Variants in GRID2 observed in about 807,000 individuals in gnomAD.
GRID2 encodes the protein glutamate ionotropic receptor delta type subunit 2.
Under a neutral mutation model 114.8 loss-of-function variants are expected in GRID2, and 33 were observed. The ratio of observed to expected loss-of-function variants is 0.29; its 90% CI spans 0.22 to 0.38. The LOEUF is 0.38. Among genes scored for constraint, GRID2 ranks in the 10% least tolerant of loss-of-function variants. The pLI is 1.00. For missense variants in GRID2, 1,184 were observed against 1,257.7 expected (o/e 0.94, Z 0.89); for synonymous variants, 505 against 449.9 (o/e 1.12, Z -1.55).
In GRID2 at chr4:93,771,034, A is replaced by G. The variant is rs576570370; in HGVS notation, c.2602-1042A>G. Among the ~76,000 whole-genome samples, 559 of 152,320 alleles carry G rather than the reference A, an allele frequency of 3.7e-3. 1 individual carries two copies. The highest frequency in any genetic ancestry group is 5.2e-3 in the Non-Finnish European group (355 of 68,022). On this transcript the variant is annotated intron_variant, in intron 15 of 15. Transcript: ENST00000282020. ...GCACAATGAAAAAAATACATGCTCC[A>G]TTCTAACTTGTGACAGCTAATCCAG...
intron 1 of GRID2, among the ~76,000 whole-genome samples, chr4:93,785,403 A>G (rs1734571621): frequency 1.3e-5 from 2 of 152,306 alleles, no homozygotes; most frequent in Non-Finnish European, 1.5e-5. Context: ...TGGGATTCCA[A>G]GTTAGAACTG....
At chr4:92,461,440 G>C (rs1490521357) in intron 1 of GRID2, among the ~76,000 whole-genome samples, 1 of 151,890 alleles carries the variant, frequency 6.6e-6, no homozygotes, top group African/African-American at 2.4e-5. Context: ...GACGTGTTGT[G>C]TTTGCCATTT....
intron 1 of GRID2, among the ~76,000 whole-genome samples, chr4:92,476,111 C>T (rs899979204): frequency 6.7e-6 from 1 of 150,160 alleles, no homozygotes; most frequent in African/African-American, 2.4e-5. Flanking sequence ...CTGCAAGCTC[C>T]GCCTCCCGTG....
At chr4:93,624,582 T>C (rs1332859497) in intron 13 of GRID2, among the ~76,000 whole-genome samples, 1 of 152,200 alleles carries the variant, frequency 6.6e-6, no homozygotes, top group African/African-American at 2.4e-5. Context: ...TGAAAGATCA[T>C]TTAAAAATTT....
chr4:93,138,742 A>G (rs1421855518), intron 4 of GRID2, among the ~76,000 whole-genome samples: 1 of 152,134 alleles, frequency 6.6e-6, no homozygotes, highest in Non-Finnish European at 1.5e-5. Flanking sequence ...GTGAGTCCCA[A>G]GTTTCTTTTG....
rs569030780 is a variant in GRID2 at position 93,162,958 on chromosome 4, G to A, written c.736-44446G>A. 7.2e-5 allele frequency among the ~76,000 whole-genome samples: 11 copies of A among 151,978 alleles called. No individual in the cohort carries two copies. In the East Asian group the frequency reaches 1.2e-3, roughly 16 times the overall value. On this transcript the variant is annotated intron_variant, in intron 4 of 15. Transcript: ENST00000282020. ...CCACACAGGAATAAAAGCACTTACCGCATTTTCTAGAGCATAATAGTTTTA... is the reference window on the plus strand; with the variant it reads ...CCACACAGGAATAAAAGCACTTACCACATTTTCTAGAGCATAATAGTTTTA...
intron 2 of GRID2, among the ~76,000 whole-genome samples, chr4:93,005,885 A>C (rs1721464392): frequency 6.6e-6 from 1 of 152,070 alleles, no homozygotes; most frequent in African/African-American, 2.4e-5. Context: ...CTAGCTTATA[A>C]ATTTCATTAT....
intron 2 of GRID2, among the ~76,000 whole-genome samples, chr4:92,991,699 A>C (rs1754915517): frequency 6.6e-6 from 1 of 152,202 alleles, no homozygotes; most frequent in African/African-American, 2.4e-5. Flanking sequence ...TCGCTTGCCA[A>C]ACGTTGTAGA....
At chr4:92,432,276 G>A (rs1009760106) in intron 1 of GRID2, among the ~76,000 whole-genome samples, 1 of 152,080 alleles carries the variant, frequency 6.6e-6, no homozygotes, top group Admixed American at 6.5e-5. Context: ...AAGGCCCAAG[G>A]GTTCTTTAGT....
chr4:92,341,298 G>A (rs1325891776), intron 1 of GRID2, among the ~76,000 whole-genome samples: 2 of 152,016 alleles, frequency 1.3e-5, no homozygotes, highest in Non-Finnish European at 2.9e-5. Flanking sequence ...TTGAAAATAA[G>A]CCCTGTATGG....
intron 2 of GRID2, among the ~76,000 whole-genome samples, chr4:92,667,547 T>C (rs1466841438): frequency 6.6e-6 from 1 of 151,654 alleles, no homozygotes; most frequent in Admixed American, 6.6e-5. Context: ...CAAATAAATA[T>C]CCATAGCAAC....
chr4:92,392,363 A>G (rs1402624536), intron 1 of GRID2, among the ~76,000 whole-genome samples: 1 of 151,968 alleles, frequency 6.6e-6, no homozygotes, highest in East Asian at 1.9e-4. Context: ...TCATGGTGAA[A>G]TCCCATCTCT....
At chr4:93,010,849 C>T (rs985004306) in intron 2 of GRID2, among the ~76,000 whole-genome samples, 3 of 151,958 alleles carry the variant, frequency 2.0e-5, no homozygotes, top group Non-Finnish European at 4.4e-5. Flanking sequence ...ATAATTTTTT[C>T]TGTTGTGTTG....
rs187646978 is a variant in GRID2, at chr4:93,604,174, C to T, written c.2194-22095C>T. Among the ~76,000 whole-genome samples, 14 of 152,282 alleles carry T rather than the reference C, an allele frequency of 9.2e-5. No homozygotes were observed. The East Asian group carries it at 2.7e-3, about 29-fold the overall frequency. On this transcript the variant is annotated intron_variant, in intron 13 of 15. Transcript: ENST00000282020. ...TCACCTTTCTAGATGCCAGTAAGAA[C>T]ATTCACTGTTCATGGGAGGAAGTCA...
At chr4:92,851,453 A>T (rs1027412403) in intron 2 of GRID2, among the ~76,000 whole-genome samples, 1 of 151,926 alleles carries the variant, frequency 6.6e-6, no homozygotes, top group Admixed American at 6.6e-5. Context: ...TCTTATCAGG[A>T]TTACAGAATT....
rs184631047 is a variant in GRID2, at chr4:92,383,782, G to A, written c.88+79038G>A. Reference sequence around the variant, plus strand: ...TAAAGTGTGTATATAATATTCAATAGTCAACAGTCAGTTGGCTCCCAAATA... The same window carrying A: ...TAAAGTGTGTATATAATATTCAATAATCAACAGTCAGTTGGCTCCCAAATA... On this transcript the variant is annotated intron_variant, in intron 1 of 15. Transcript: ENST00000282020. Among the ~76,000 whole-genome samples the A allele has an allele frequency of 1.3e-4, 19 of 151,792 alleles. No homozygotes were observed. In the East Asian group the frequency reaches 1.5e-3, roughly 12 times the overall value.
At chr4:93,701,541 A>T (rs1008198958) in intron 14 of GRID2, among the ~76,000 whole-genome samples, 2 of 152,166 alleles carry the variant, frequency 1.3e-5, no homozygotes, top group African/African-American at 4.8e-5. Context: ...TCAGTTTGGA[A>T]AAAAAGAATA....
intron 8 of GRID2, among the ~76,000 whole-genome samples, chr4:93,352,661 T>C (rs1760919085): frequency 6.6e-6 from 1 of 152,062 alleles, no homozygotes; most frequent in Admixed American, 6.6e-5. Flanking sequence ...CAACTAGTTT[T>C]ATGGCCTGAT....
At chr4:92,959,837 C>T (rs1249727694) in intron 2 of GRID2, among the ~76,000 whole-genome samples, 1 of 151,904 alleles carries the variant, frequency 6.6e-6, no homozygotes, top group African/African-American at 2.4e-5. Context: ...GGGAACATCT[C>T]ACACTGGGGC....
Sources: allele counts gnomAD v4.1 joint callset (sites outside exome capture counted in the v4.1 genomes callset), GRCh38; gene constraint gnomAD v4.1.1; transcripts MANE v1.5; gene names NCBI Gene and HGNC (gene_info 2026-07-23, HGNC 2026-07-21).